C9orf50: variants seen among roughly 807,000 people sequenced by gnomAD.
The protein encoded by C9orf50 is uncharacterized protein C9orf50.
C9orf50 carries 33 observed loss-of-function variants against 42.5 expected under a neutral mutation model. That is an observed-to-expected ratio of 0.78 (90% CI 0.59 to 1.04). C9orf50 has a LOEUF of 1.04. C9orf50 is among the 50% of genes least tolerant of loss of function. The probability of loss-of-function intolerance (pLI) is 0.00; values close to 1 mark genes in which losing one functional copy is unlikely to be tolerated. For synonymous variants in C9orf50, 257 were observed against 273.4 expected (o/e 0.94, Z 0.59); for missense variants, 547 against 594.3 (o/e 0.92, Z 0.83).
exon 7 of C9orf50, chr9:129,612,226 T>TG: frequency 2.6e-6 from 2 of 762,292 alleles, no homozygotes; most frequent in Non-Finnish European, 4.3e-6. Context: ...CAGAAAGGCT[T>TG]GTGGTGTGAC....
intron 3 of C9orf50, among the ~76,000 whole-genome samples, chr9:129,617,132 T>C (rs1830433713): frequency 6.6e-6 from 1 of 152,218 alleles, no homozygotes; most frequent in Admixed American, 6.5e-5. Flanking sequence ...GACCCACCTA[T>C]AACTCTGTTA....
chr9:129,620,546 G>A lies in C9orf50; in HGVS notation c.29C>T (p.Ala10Val). The A allele has an allele frequency of 7.1e-7, 1 of 1,403,044 alleles. No homozygotes were observed. The highest frequency in any genetic ancestry group is 1.5e-5 in the South Asian group (1 of 64,660). 86.9% of individuals were successfully genotyped at this position (1,403,044 alleles called of 1,614,324 possible). ...GAGCCCCTTGGGCGCCAGGTCCTGG[G>A]CCCCTGGGCGAAGTCGACGCCAGAA... The change falls in exon 1 of 7, where the codon GCC (alanine) becomes GTC (valine). Residue 10 changes from alanine to valine, a missense_variant. Around this residue, in one of 3 missense-constraint regions of C9orf50, gnomAD observed 105 missense variants for 98.5 expected, o/e 1.07. Transcript: ENST00000372478. This position sits in a 1 kb window ranked among gnomAD's most constrained non-coding sequence, Gnocchi z 5.8.
At chr9:129,616,041 T>C (rs944202279) in intron 3 of C9orf50, among the ~76,000 whole-genome samples, 1 of 151,784 alleles carries the variant, frequency 6.6e-6, no homozygotes, top group African/African-American at 2.4e-5. Flanking sequence ...AGCCCAGGAG[T>C]CATGCAGTCC....
At chr9:129,615,341 T>C (rs1830310389) in intron 4 of C9orf50, 143 bp downstream of exon 4, 1 of 917,224 alleles carries the variant, frequency 1.1e-6, no homozygotes. Flanking sequence ...AGGAGGCCAG[T>C]TCAGGCACAT....
rs896460877 is a variant in C9orf50 at position 129,620,417 on chromosome 9, C to T, written c.158G>A (p.Arg53Lys). 1 of 1,251,634 alleles carries T rather than the reference C, an allele frequency of 8.0e-7. No homozygotes were observed. Among genetic ancestry groups the T allele is most frequent in the South Asian group, 3.1e-5 (1 of 31,838 alleles). 77.5% of individuals were successfully genotyped at this position (1,251,634 alleles called of 1,614,324 possible). A position where few individuals can be genotyped will look rare whatever the true frequency, so the allele number is the denominator to read the frequency against. ...CCACGCGGCGCCGCCCCCCGGGATC[C>T]TCCAGTCCCCGGAGCCCCGCGCGCC... The change falls in exon 1 of 7, where the codon AGG becomes AAG. Residue 53 changes from arginine (R) to lysine (K), a missense_variant. Arg to Lys is a conservative substitution (Grantham distance 26, BLOSUM62 2). Around this residue, in one of 3 missense-constraint regions of C9orf50, gnomAD observed 105 missense variants for 98.5 expected, o/e 1.07. Coordinates refer to ENST00000372478, the Ensembl canonical transcript of C9orf50. The surrounding 1 kb of genome is among the most constrained non-coding windows in gnomAD (Gnocchi z 5.8).
At chr9:129,618,316 C>T (rs1365862414) in intron 3 of C9orf50, among the ~76,000 whole-genome samples, 1 of 152,142 alleles carries the variant, frequency 6.6e-6, no homozygotes, top group Non-Finnish European at 1.5e-5. Flanking sequence ...TACCTCCATC[C>T]CTTAGTTTTC....
At position 129,620,231 on chromosome 9, in the gene C9orf50, G is replaced by C; in HGVS notation, c.344C>G (p.Ala115Gly). 7.4e-7 allele frequency: 1 copy of C among 1,346,546 alleles called. No homozygotes were observed. Among genetic ancestry groups the C allele is most frequent in the South Asian group, 2.0e-5 (1 of 51,010 alleles). The allele number at this position is 1,346,546 out of a possible 1,614,324, so 83.4% of individuals were successfully genotyped here. A position where few individuals can be genotyped will look rare whatever the true frequency, so the allele number is the denominator to read the frequency against. ...CTCTCCAGGCCCTGGCTGCCTGGGC[G>C]CCGATTCCCGGGACGCGCCGGCCGA... Residue 115 changes from alanine (A) to glycine (G), a missense_variant, in exon 1 of 7, where the codon GCG (alanine) becomes GGG (glycine). Transcript: ENST00000372478. This position sits in a 1 kb window ranked among gnomAD's most constrained non-coding sequence, Gnocchi z 5.8.
chr9:129,613,397 A>T lies in C9orf50; in HGVS notation c.1043+38T>A. 6.2e-7 allele frequency: 1 copy of T among 1,605,180 alleles called. No individual in the cohort carries two copies. The highest frequency in any genetic ancestry group is 8.5e-7 in the Non-Finnish European group (1 of 1,174,096). ...GGCAAGGGGGGTGGAGGGCCCTGGC[A>T]ATGTCCACGAGTCCCATCCGCTTCC... On this transcript the variant is annotated intron_variant, in intron 5 of 6. Coordinates refer to ENST00000372478, the Ensembl canonical transcript of C9orf50. This position sits in a 1 kb window ranked among gnomAD's most constrained non-coding sequence, Gnocchi z 6.2.
chr9:129,618,765 T>C (rs1588121314), intron 3 of C9orf50, among the ~76,000 whole-genome samples: 1 of 152,036 alleles, frequency 6.6e-6, no homozygotes, highest in East Asian at 1.9e-4. Context: ...CAATCTCAGC[T>C]CACTGCAAGC....
Position 129,620,437 on chromosome 9 carries a change from C to A in C9orf50, c.138G>T (p.Ala46=), listed in dbSNP as rs1341845047. The A allele has an allele frequency of 7.9e-6, 10 of 1,269,930 alleles. No individual in the cohort carries two copies. Among genetic ancestry groups the A allele is most frequent in the Non-Finnish European group, 9.9e-6 (10 of 1,007,712 alleles). 78.7% of individuals were successfully genotyped at this position (1,269,930 alleles called of 1,614,324 possible). Residue 46 remains alanine (A), a synonymous_variant, in exon 1 of 7, where the codon GCG becomes GCT. Coordinates refer to ENST00000372478, the Ensembl canonical transcript of C9orf50. The surrounding 1 kb of genome is among the most constrained non-coding windows in gnomAD (Gnocchi z 5.8). ...GGATCCTCCAGTCCCCGGAGCCCCG[C>A]GCGCCCAGAGCCGCTCGGAGCGCGG...
chr9:129,613,605 A>G lies in C9orf50; in HGVS notation c.881-8T>C, dbSNP rs1169614304. 6.2e-7 allele frequency: 1 copy of G among 1,613,978 alleles called. No individual in the cohort carries two copies. The highest frequency in any genetic ancestry group is 8.5e-7 in the Non-Finnish European group (1 of 1,179,984). On this transcript the variant is annotated splice_polypyrimidine_tract_variant and splice_region_variant and intron_variant, in intron 4 of 6. Transcript: ENST00000372478. This position sits in a 1 kb window ranked among gnomAD's most constrained non-coding sequence, Gnocchi z 6.2. ...CAATGACGCTCTGTTGGACTGCAGG[A>G]AAGAGGGCAGGGTGAGATCTCTGCC...
At chr9:129,617,393 C>T (rs1830444270) in intron 3 of C9orf50, among the ~76,000 whole-genome samples, 1 of 152,216 alleles carries the variant, frequency 6.6e-6, no homozygotes, top group Non-Finnish European at 1.5e-5. Flanking sequence ...TAACCCAGCT[C>T]TGCCCACCTG....
chr9:129,616,838 GGAGGCAGGCA>G (rs1017405439), intron 3 of C9orf50, among the ~76,000 whole-genome samples: 2 of 152,128 alleles, frequency 1.3e-5, no homozygotes, highest in Admixed American at 1.3e-4. Flanking sequence ...CAGCACTTTG[GGAGGCAGGCA>G]GATCAAAAGG....
chr9:129,613,624 C>A lies in C9orf50; in HGVS notation c.881-27G>T. Reference sequence around the variant, plus strand: ...TGCAGGAAAGAGGGCAGGGTGAGATCTCTGCCCAGGAGGAGGGCACTGGTG... The same window carrying A: ...TGCAGGAAAGAGGGCAGGGTGAGATATCTGCCCAGGAGGAGGGCACTGGTG... On this transcript the variant is annotated intron_variant, in intron 4 of 6. Transcript: ENST00000372478. The surrounding 1 kb of genome is among the most constrained non-coding windows in gnomAD (Gnocchi z 6.2). The A allele has an allele frequency of 6.2e-7, 1 of 1,613,610 alleles. No individual in the cohort carries two copies.
chr9:129,612,545 G>A (rs1564331473), intron 6 of C9orf50, 91 bp from the exon 7 acceptor site: 1 of 964,790 alleles, frequency 1.0e-6, no homozygotes, highest in Non-Finnish European at 1.6e-6. Context: ...AAGCCCTGTT[G>A]GGCAGGTAGT....
Position 129,620,545 on chromosome 9 carries a change from G to T in C9orf50, c.30C>A (p.Ala10=). 1 of 1,406,276 alleles carries T rather than the reference G, an allele frequency of 7.1e-7. No individual in the cohort carries two copies. Among genetic ancestry groups the T allele is most frequent in the Non-Finnish European group, 9.3e-7 (1 of 1,076,766 alleles). The allele number at this position is 1,406,276 out of a possible 1,614,324, so 87.1% of individuals were successfully genotyped here. The change falls in exon 1 of 7, where the codon GCC becomes GCA. Residue 10 remains alanine (A), a synonymous_variant. Transcript: ENST00000372478. The surrounding 1 kb of genome is among the most constrained non-coding windows in gnomAD (Gnocchi z 5.8). The stretch of plus-strand genomic sequence containing the variant: ...GGAGCCCCTTGGGCGCCAGGTCCTG[G>T]GCCCCTGGGCGAAGTCGACGCCAGA...
At chr9:129,615,407 G>A (rs1830316781) in intron 4 of C9orf50, 77 bp downstream of exon 4, 1 of 1,428,888 alleles carries the variant, frequency 7.0e-7, no homozygotes, top group Non-Finnish European at 9.3e-7. Flanking sequence ...TCACTCTAGG[G>A]GCCCGGAGCT....
chr9:129,618,728 T>C (rs1487335994), intron 3 of C9orf50, among the ~76,000 whole-genome samples: 1 of 152,052 alleles, frequency 6.6e-6, no homozygotes, highest in Non-Finnish European at 1.5e-5. Context: ...AGTCTCACTC[T>C]GTCACCCAGG....
intron 3 of C9orf50, 82 bp from the exon 4 acceptor site, chr9:129,615,729 G>C (rs556489505): frequency 2.8e-6 from 4 of 1,413,978 alleles, no homozygotes; most frequent in Non-Finnish European, 3.7e-6. Flanking sequence ...CTCGCTGTGA[G>C]ATCCTGGACA....
Sources: allele counts gnomAD v4.1 joint callset (sites outside exome capture counted in the v4.1 genomes callset), GRCh38; gene constraint gnomAD v4.1.1; regional missense constraint gnomAD v4.1.1; non-coding constraint Gnocchi (gnomAD v3.1); transcripts MANE v1.5; gene names NCBI Gene and HGNC (gene_info 2026-07-23, HGNC 2026-07-21).